The following CADPS variants were observed in gnomAD, a reference collection of about 807,000 sequenced individuals.
CADPS encodes calcium dependent secretion activator.
In CADPS, 57 loss-of-function variants were observed where a neutral mutation model predicts 167.3. The observed-to-expected ratio is 0.34, with a 90% CI of 0.28 to 0.42. The LOEUF (loss-of-function observed/expected upper bound fraction) is 0.42, where lower values mean the gene tolerates loss of function less well. Among genes scored for constraint, CADPS ranks in the 20% least tolerant of loss-of-function variants. The probability of loss-of-function intolerance (pLI) is 1.00; values close to 1 mark genes in which losing one functional copy is unlikely to be tolerated. For missense variants in CADPS, 1,414 were observed against 1,738.1 expected, an observed-to-expected ratio of 0.81 and a Z score of 3.32; for synonymous variants, 676 against 635.3, an observed-to-expected ratio of 1.06 and a Z score of -0.96.
intron 1 of CADPS, among the ~76,000 whole-genome samples, chr3:62,775,094 T>C (rs1295900437): frequency 6.6e-6 from 1 of 151,976 alleles, no homozygotes; most frequent in Non-Finnish European, 1.5e-5. Context: ...CTGGAGTGCA[T>C]AGGTGTGATC....
chr3:62,771,683 A>C (rs147939217), intron 1 of CADPS, among the ~76,000 whole-genome samples: 3,452 of 152,290 alleles, frequency 0.023, 62 homozygotes, highest in South Asian at 0.06. Context: ...GAATTGCAGT[A>C]ATGAATTCCA....
At chr3:62,739,199 CTGTCCAA>C (rs936310164) in intron 3 of CADPS, among the ~76,000 whole-genome samples, 24 of 152,272 alleles carry the variant, frequency 1.6e-4, no homozygotes, top group African/African-American at 4.6e-4. Flanking sequence ...ACTTAAAACC[CTGTCCAA>C]TGGCCATGTG....
chr3:62,806,507 A>G (rs1019536526), intron 1 of CADPS, among the ~76,000 whole-genome samples: 1 of 152,094 alleles, frequency 6.6e-6, no homozygotes, highest in East Asian at 1.9e-4. Flanking sequence ...TCCAGTCTGG[A>G]CAACAGAGCA....
intron 6 of CADPS, among the ~76,000 whole-genome samples, chr3:62,613,793 G>C (rs924830577): frequency 1.6e-4 from 25 of 152,160 alleles, no homozygotes; most frequent in Non-Finnish European, 2.6e-4. Context: ...TGAAATGAAG[G>C]AGACAATAAT....
chr3:62,662,063 T>C (rs1463228417), intron 4 of CADPS, among the ~76,000 whole-genome samples: 1 of 152,156 alleles, frequency 6.6e-6, no homozygotes, highest in Non-Finnish European at 1.5e-5. Context: ...GTTGGAGCTA[T>C]GTGTCTGGAA....
chr3:62,797,090 A>G (rs1236332175), intron 1 of CADPS, among the ~76,000 whole-genome samples: 2 of 152,194 alleles, frequency 1.3e-5, no homozygotes, highest in Non-Finnish European at 2.9e-5. Context: ...AAATTAATGC[A>G]CAGAGTTAAC....
chr3:62,766,821 G>A (rs568508322), intron 1 of CADPS, among the ~76,000 whole-genome samples: 26 of 152,146 alleles, frequency 1.7e-4, no homozygotes, highest in Non-Finnish European at 2.8e-4. Context: ...GTCCTTCCCA[G>A]CCCCTAGGTT....
At chr3:62,686,832 G>A (rs542183719) in intron 3 of CADPS, among the ~76,000 whole-genome samples, 1 of 152,144 alleles carries the variant, frequency 6.6e-6, no homozygotes, top group East Asian at 1.9e-4. Flanking sequence ...TTTGCTTACA[G>A]AGCCTTCCCA....
intron 24 of CADPS, chr3:62,466,741 G>A (rs963600518): frequency 3.3e-6 from 1 of 303,796 alleles, no homozygotes; most frequent in Non-Finnish European, 6.3e-6. Context: ...TACAAAGCAG[G>A]ATACTGTAAT....
intron 5 of CADPS, among the ~76,000 whole-genome samples, chr3:62,647,090 AAG>A (rs936732341): frequency 1.3e-5 from 2 of 152,188 alleles, no homozygotes; most frequent in African/African-American, 4.8e-5. Context: ...GCAGAGAAGA[AAG>A]AGATCAATTT....
intron 8 of CADPS, among the ~76,000 whole-genome samples, chr3:62,582,793 A>G (rs1189900650): frequency 1.3e-5 from 2 of 152,206 alleles, no homozygotes; most frequent in African/African-American, 2.4e-5. Flanking sequence ...AGTGAGCTAC[A>G]TATTTCTTCT....
At chr3:62,821,090 T>C (rs1007643771) in intron 1 of CADPS, among the ~76,000 whole-genome samples, 31 of 152,198 alleles carry the variant, frequency 2.0e-4, no homozygotes, top group African/African-American at 7.5e-4. Context: ...TAAGCCACTA[T>C]GCCTGGCCTT....
intron 1 of CADPS, among the ~76,000 whole-genome samples, chr3:62,819,869 T>C (rs1329904303): frequency 6.6e-6 from 1 of 152,200 alleles, no homozygotes; most frequent in Admixed American, 6.5e-5. Context: ...TGGTCTCCCA[T>C]GAACTCTGCC....
At chr3:62,739,805 A>G (rs490658) in intron 3 of CADPS, among the ~76,000 whole-genome samples, 60,728 of 152,090 alleles carry the variant, frequency 0.4, 12,574 homozygotes, top group African/African-American at 0.48. Flanking sequence ...TTAGGTTGAA[A>G]ACAGTGAATG....
intron 1 of CADPS, among the ~76,000 whole-genome samples, chr3:62,770,042 C>A (rs1249885323): frequency 6.6e-6 from 1 of 152,192 alleles, no homozygotes; most frequent in African/African-American, 2.4e-5. Flanking sequence ...CTGACTTTGA[C>A]TTGCTCCACT....
chr3:62,847,358 A>T (rs1198167756), intron 1 of CADPS, among the ~76,000 whole-genome samples: 1 of 123,426 alleles, frequency 8.1e-6, no homozygotes, highest in Non-Finnish European at 1.6e-5. Flanking sequence ...TACATGTGCC[A>T]TGCTGGTGCG....
At chr3:62,441,057 GA>G (rs1428877248) in intron 27 of CADPS, 4 of 152,172 alleles carry the variant, frequency 2.6e-5, no homozygotes, top group Non-Finnish European at 5.9e-5. Context: ...ACAATTAAAA[GA>G]AAAACTGTTC....
At chr3:62,523,919 A>G (rs1260334314) in intron 13 of CADPS, among the ~76,000 whole-genome samples, 5 of 152,234 alleles carry the variant, frequency 3.3e-5, no homozygotes, top group Non-Finnish European at 5.9e-5. Flanking sequence ...AAATGTCCTT[A>G]AACAAGCATG....
chr3:62,867,986 C>A (rs73097487), intron 1 of CADPS, among the ~76,000 whole-genome samples: 1 of 152,070 alleles, frequency 6.6e-6, no homozygotes, highest in Non-Finnish European at 1.5e-5. Context: ...CAGTGTATAC[C>A]CTTAACCACT....
Sources: allele counts gnomAD v4.1 joint callset (sites outside exome capture counted in the v4.1 genomes callset), GRCh38; gene constraint gnomAD v4.1.1; transcripts MANE v1.5; gene names NCBI Gene and HGNC (gene_info 2026-07-23, HGNC 2026-07-21).